The following MSN variants were observed in gnomAD, a reference collection of about 807,000 sequenced individuals.
MSN encodes the protein moesin.
In MSN, 2 loss-of-function variants were observed where a neutral mutation model predicts 48.0. The ratio of observed to expected loss-of-function variants is 0.04; its 90% confidence interval spans 0.02 to 0.13. The LOEUF is 0.13. Ranked by LOEUF, MSN falls within the 10% of genes least tolerant of loss-of-function variation. The pLI is 1.00. For missense variants in MSN, 267 were observed against 470.1 expected, an observed-to-expected ratio of 0.57 and a Z score of 3.99; for synonymous variants, 146 against 166.9, an observed-to-expected ratio of 0.87 and a Z score of 0.97.
intron 1 of MSN, among the ~76,000 whole-genome samples, chrX:65,631,602 T>G (rs897924071): frequency 8.9e-6 from 1 of 111,919 alleles, no homozygotes; most frequent in Non-Finnish European, 1.9e-5. Context: ...GTATTCCATG[T>G]TATTGATGCA....
chrX:65,597,324 C>A (rs1432194342), intron 1 of MSN, among the ~76,000 whole-genome samples: 6 of 109,240 alleles, frequency 5.5e-5, no homozygotes, highest in Non-Finnish European at 1.1e-4. Context: ...ACTGGGATTA[C>A]AGATGTGAGC....
chrX:65,621,639 A>G (rs747980691), intron 1 of MSN, among the ~76,000 whole-genome samples: 96 of 111,830 alleles, frequency 8.6e-4, no homozygotes, highest in African/African-American at 3.1e-3. Flanking sequence ...AATTTTGAGG[A>G]TTAGCCTTCC....
chrX:65,648,883 A>G (rs1027598128), intron 1 of MSN, among the ~76,000 whole-genome samples: 1 of 108,269 alleles, frequency 9.2e-6, no homozygotes, highest in African/African-American at 3.3e-5. Context: ...ATAAAATAAA[A>G]TAAAATAAAT....
chrX:65,588,711 GT>G, intron 1 of MSN: 1 of 660,243 alleles, frequency 1.5e-6, no homozygotes, highest in Non-Finnish European at 1.8e-6. Context: ...AACATGGGAG[GT>G]TTAGGCAAAC....
intron 1 of MSN, among the ~76,000 whole-genome samples, chrX:65,632,984 G>A (rs1356174440): frequency 9.0e-6 from 1 of 111,648 alleles, no homozygotes; most frequent in Admixed American, 9.6e-5. Flanking sequence ...TGAAGGATAA[G>A]TTAGCTTAGC....
chrX:65,646,337 A>G (rs1370582237), intron 1 of MSN, among the ~76,000 whole-genome samples: 1 of 111,336 alleles, frequency 9.0e-6, no homozygotes, highest in Non-Finnish European at 1.9e-5. Flanking sequence ...TGTTTATTTA[A>G]TTTTACAATT....
intron 4 of MSN, among the ~76,000 whole-genome samples, chrX:65,730,325 G>A (rs779963263): frequency 8.9e-6 from 1 of 111,960 alleles, no homozygotes; most frequent in Non-Finnish European, 1.9e-5. Context: ...CTCATCTGAG[G>A]CAGAGCCAGA....
chrX:65,702,360 T>C (rs1421119365), intron 1 of MSN, among the ~76,000 whole-genome samples: 4 of 106,619 alleles, frequency 3.8e-5, no homozygotes, highest in Non-Finnish European at 7.7e-5. Context: ...CAGACATCCC[T>C]CTAGTCATAT....
At chrX:65,613,621 G>A (rs1322116510) in intron 1 of MSN, among the ~76,000 whole-genome samples, 13 of 112,053 alleles carry the variant, frequency 1.2e-4, no homozygotes, top group East Asian at 2.8e-4. Context: ...TCTAATGACC[G>A]GTGATGATGA....
At chrX:65,611,584 A>G (rs947610885) in intron 1 of MSN, among the ~76,000 whole-genome samples, 2 of 111,923 alleles carry the variant, frequency 1.8e-5, no homozygotes, top group East Asian at 2.8e-4. Flanking sequence ...TTGTATGTCT[A>G]TACAACATTT....
At chrX:65,705,329 A>G (rs1341810635) in intron 1 of MSN, among the ~76,000 whole-genome samples, 1 of 111,917 alleles carries the variant, frequency 8.9e-6, no homozygotes, top group African/African-American at 3.3e-5. Flanking sequence ...GAGAAAATGT[A>G]AAAAGAGGAA....
intron 1 of MSN, among the ~76,000 whole-genome samples, chrX:65,649,785 G>A (rs2070726843): frequency 9.4e-6 from 1 of 106,139 alleles, no homozygotes; most frequent in African/African-American, 3.4e-5. Context: ...TTTCATAGTA[G>A]GACTAGGAAT....
chrX:65,690,750 C>A (rs1371513986), intron 1 of MSN, among the ~76,000 whole-genome samples: 1 of 111,526 alleles, frequency 9.0e-6, no homozygotes, highest in African/African-American at 3.3e-5. Context: ...CCTGCTTCAG[C>A]TGGATGGCCT....
At chrX:65,669,825 TA>T (rs1354374330) in intron 1 of MSN, among the ~76,000 whole-genome samples, 11 of 103,594 alleles carry the variant, frequency 1.1e-4, no homozygotes, top group Non-Finnish European at 1.4e-4. Flanking sequence ...ACAACTCTCT[TA>T]AAAAAAAAAA....
intron 1 of MSN, among the ~76,000 whole-genome samples, chrX:65,645,410 A>G (rs1461199165): frequency 9.4e-6 from 1 of 106,751 alleles, no homozygotes; most frequent in Non-Finnish European, 1.9e-5. Flanking sequence ...TTCTGCTCCC[A>G]TGGATTTTCC....
chrX:65,707,813 TTAATC>T (rs2071376444), intron 1 of MSN, among the ~76,000 whole-genome samples: 1 of 111,683 alleles, frequency 9.0e-6, no homozygotes, highest in South Asian at 3.8e-4. Flanking sequence ...GAATCCCTGA[TTAATC>T]TAAGAGAGAA....
At chrX:65,645,578 GT>G (rs1277540112) in intron 1 of MSN, among the ~76,000 whole-genome samples, 1 of 111,050 alleles carries the variant, frequency 9.0e-6, no homozygotes, top group East Asian at 2.8e-4. Context: ...GTGAGTATGA[GT>G]TGGTCAAGTG....
intron 1 of MSN, among the ~76,000 whole-genome samples, chrX:65,704,142 TC>T (rs1378974489): frequency 2.7e-5 from 3 of 111,481 alleles, no homozygotes; most frequent in Non-Finnish European, 5.6e-5. Flanking sequence ...TACAAATACT[TC>T]CTGTAAAACT....
At chrX:65,657,094 C>CA (rs1448682111) in intron 1 of MSN, among the ~76,000 whole-genome samples, 1 of 111,511 alleles carries the variant, frequency 9.0e-6, no homozygotes, top group African/African-American at 3.3e-5. Context: ...TGACCTGGGG[C>CA]ACTGGCAGTG....
Sources: gnomAD v4.1 joint callset for allele counts (sites outside exome capture counted in the v4.1 genomes callset) on GRCh38, gnomAD v4.1.1 for gene constraint, MANE v1.5 for transcripts, NCBI Gene and HGNC (gene_info 2026-07-23, HGNC 2026-07-21) for gene names.